Variants in PKHD1 observed in about 807,000 individuals in gnomAD.
PKHD1 encodes fibrocystin.
In PKHD1, 291 loss-of-function variants were observed where a neutral mutation model predicts 412.0. That is an observed-to-expected ratio of 0.71 (90% CI 0.64 to 0.78). The LOEUF (loss-of-function observed/expected upper bound fraction) is 0.78, where lower values mean the gene tolerates loss of function less well. Among genes scored for constraint, PKHD1 ranks in the 30% least tolerant of loss-of-function variants. PKHD1 has a pLI of 0.00. For missense variants in PKHD1, 4,825 were observed against 4,950.7 expected (o/e 0.97, Z 0.76); for synonymous variants, 1,777 against 1,821.5 (o/e 0.98, Z 0.62).
chr6:51,774,518 A>G (rs574427630), intron 54 of PKHD1, among the ~76,000 whole-genome samples: 134 of 152,134 alleles, frequency 8.8e-4, no homozygotes, highest in African/African-American at 3.1e-3. Context: ...TTGTCAACTT[A>G]GAAAAATTAA....
chr6:51,969,222 C>A (rs1581717), intron 35 of PKHD1, among the ~76,000 whole-genome samples: 57,662 of 151,786 alleles, frequency 0.38, 12,724 homozygotes, highest in Admixed American at 0.52. Context: ...TCACAGCCAA[C>A]AGCCAGCAAG....
chr6:51,965,596 T>C (rs932220771), intron 35 of PKHD1, among the ~76,000 whole-genome samples: 3 of 149,638 alleles, frequency 2.0e-5, no homozygotes, highest in Non-Finnish European at 1.5e-5. Context: ...AAACCCCTCA[T>C]GATTACAAGA....
At chr6:52,069,019 T>C (rs1288877840) in intron 11 of PKHD1, among the ~76,000 whole-genome samples, 1 of 152,324 alleles carries the variant, frequency 6.6e-6, no homozygotes, top group East Asian at 1.9e-4. Flanking sequence ...AATTTTCACA[T>C]TCATTTTTTT....
intron 36 of PKHD1, among the ~76,000 whole-genome samples, chr6:51,941,192 T>TA (rs1788464068): frequency 6.8e-6 from 1 of 146,556 alleles, no homozygotes; most frequent in Admixed American, 6.8e-5. Flanking sequence ...CAGCACGCTT[T>TA]AAAAGGATTA....
intron 35 of PKHD1, among the ~76,000 whole-genome samples, chr6:51,981,870 G>A (rs1351702926): frequency 4.8e-5 from 5 of 105,186 alleles, no homozygotes; most frequent in African/African-American, 1.3e-4. Flanking sequence ...TCTAGGAAGC[G>A]AGGAGCGCCT....
At chr6:51,761,078 T>C (rs565053630) in intron 55 of PKHD1, among the ~76,000 whole-genome samples, 1 of 152,220 alleles carries the variant, frequency 6.6e-6, no homozygotes, top group African/African-American at 2.4e-5. Context: ...CTTCTAGATA[T>C]ATATTCCAAG....
chr6:51,807,473 A>ATATG lies in PKHD1; in HGVS notation c.8303-16101_8303-16100insCATA, dbSNP rs1162302128. 7.7e-4 allele frequency among the ~76,000 whole-genome samples: 92 copies of ATATG among 118,758 alleles called. 3 individuals are homozygous for ATATG. The highest frequency in any genetic ancestry group is 3.1e-3 in the African/African-American group (87 of 27,952). The allele number at this position is 118,758 out of a possible 152,430, so 77.9% of individuals were successfully genotyped here. A position where few individuals can be genotyped will look rare whatever the true frequency, so the allele number is the denominator to read the frequency against. On this transcript the variant is annotated intron_variant, in intron 52 of 66. Coordinates refer to ENST00000371117, the MANE Select transcript of PKHD1 (RefSeq NM_138694.4). ...AAAAAAAAAAAATATATATATATAT[A>ATATG]TATATATGTATATGTGTGTGTGTGT...
Position 52,062,552 on chromosome 6 carries a change from A to C in PKHD1, c.1085T>G (p.Phe362Cys), listed in dbSNP as rs752514286. The part of the protein sequence containing the change: ...WQIVPNASSP[F>C]GFWSQEGQPF... ...TTGTCCTTCCTGTGACCAAAACCCA[A>C]ATGGAGAACTGGCATTAGGGACAAT... Residue 362 changes from phenylalanine to cysteine, a missense_variant, in exon 14 of 67, where the codon TTT becomes TGT. Transcript: ENST00000371117. The C allele has an allele frequency of 1.2e-6, 2 of 1,614,112 alleles. No individual in the cohort carries two copies. The highest frequency in any genetic ancestry group is 1.7e-6 in the Non-Finnish European group (2 of 1,179,986).
intron 44 of PKHD1, 136 bp from the exon 45 acceptor site, chr6:51,886,108 A>C (rs1778175910): frequency 1.4e-6 from 1 of 707,706 alleles, no homozygotes; most frequent in South Asian, 1.6e-5. Context: ...CCTCCCCCTA[A>C]CTGTTCTTGC....
rs1378715871 is a variant in PKHD1 at position 51,784,107 on chromosome 6, T to C, written c.8440+7129A>G. Among the ~76,000 whole-genome samples the C allele has an allele frequency of 3.3e-5, 5 of 152,294 alleles. No individual in the cohort carries two copies. The East Asian group carries it at 5.8e-4, about 18-fold the overall frequency. ...TGTTCTGATTAAGTCTATCATATAATGGAGATAGGACACTAATTAAAACAT... is the reference window on the plus strand; with the variant it reads ...TGTTCTGATTAAGTCTATCATATAACGGAGATAGGACACTAATTAAAACAT... On this transcript the variant is annotated intron_variant, in intron 53 of 66. Transcript: ENST00000371117.
At chr6:52,018,269 T>G (rs1390909076) in intron 33 of PKHD1, among the ~76,000 whole-genome samples, 4 of 152,214 alleles carry the variant, frequency 2.6e-5, no homozygotes, top group Non-Finnish European at 4.4e-5. Context: ...GGTGCATGCC[T>G]ATCAAGAAAA....
intron 66 of PKHD1, among the ~76,000 whole-genome samples, chr6:51,624,062 A>T (rs1285081100): frequency 2.0e-5 from 3 of 151,652 alleles, no homozygotes; most frequent in African/African-American, 7.3e-5. Context: ...TTCTTTTTTA[A>T]TTTTTTTTAA....
intron 64 of PKHD1, 114 bp from the exon 65 acceptor site, chr6:51,632,837 A>G: frequency 1.5e-6 from 1 of 671,266 alleles, no homozygotes; most frequent in Non-Finnish European, 2.5e-6. Flanking sequence ...GTAGGTGTTC[A>G]ATATATATTC....
chr6:52,037,116 G>A (rs913889204), intron 27 of PKHD1, among the ~76,000 whole-genome samples: 2 of 152,046 alleles, frequency 1.3e-5, no homozygotes, highest in African/African-American at 4.8e-5. Context: ...TAGGATATAA[G>A]TGACATTTCA....
In PKHD1 at chr6:51,748,652, A is replaced by C. The variant is rs2150987538; in HGVS notation, c.8964T>G (p.Leu2988=). The C allele has an allele frequency of 1.2e-6, 2 of 1,613,772 alleles. No homozygotes were observed. The highest frequency in any genetic ancestry group is 1.7e-6 in the Non-Finnish European group (2 of 1,179,802). ...CGAAGTTCTGAATTTCCACATTAAGAAGTTGAAGGACACCTATAAACAAAT... is the reference window on the plus strand; with the variant it reads ...CGAAGTTCTGAATTTCCACATTAAGCAGTTGAAGGACACCTATAAACAAAT... ...SREEFSGVLQ[L]LNVEIQNFGS... Residue 2988 remains leucine, a synonymous_variant, in exon 58 of 67, where the codon CTT becomes CTG. Transcript: ENST00000371117.
intron 54 of PKHD1, among the ~76,000 whole-genome samples, chr6:51,774,436 T>C (rs1474767860): frequency 6.6e-6 from 1 of 151,980 alleles, no homozygotes; most frequent in Non-Finnish European, 1.5e-5. Flanking sequence ...GTTCCAGTGT[T>C]ATCACGCTAC....
chr6:51,905,138 A>G (rs1781887699), intron 41 of PKHD1, among the ~76,000 whole-genome samples: 1 of 152,226 alleles, frequency 6.6e-6, no homozygotes, highest in Admixed American at 6.5e-5. Flanking sequence ...GATACTATAG[A>G]ATTAAATATC....
chr6:52,041,861 A>G (rs1804938549), intron 27 of PKHD1, among the ~76,000 whole-genome samples: 1 of 152,148 alleles, frequency 6.6e-6, no homozygotes, highest in Admixed American at 6.5e-5. Flanking sequence ...TGGCCAACCT[A>G]CCTGTGCAAA....
At chr6:51,960,184 G>A (rs188803904) in intron 35 of PKHD1, among the ~76,000 whole-genome samples, 158 bp from the exon 36 acceptor site, 81 of 152,170 alleles carry the variant, frequency 5.3e-4, no homozygotes, top group Non-Finnish European at 9.6e-4. Context: ...CTCAAAGAAA[G>A]TAAAATTAAT....
Sources: allele counts gnomAD v4.1 joint callset (sites outside exome capture counted in the v4.1 genomes callset), GRCh38; gene constraint gnomAD v4.1.1; transcripts MANE v1.5; gene names NCBI Gene and HGNC (gene_info 2026-07-23, HGNC 2026-07-21).